ATRNL1: variants seen among roughly 807,000 people sequenced by gnomAD.
ATRNL1 encodes the protein attractin-like protein 1.
A neutral mutation model predicts 182.7 loss-of-function variants in ATRNL1; 95 were observed. The observed-to-expected ratio is 0.52, with a 90% CI of 0.44 to 0.62. The LOEUF is 0.62. Ranked by LOEUF, ATRNL1 falls within the 20% of genes least tolerant of loss-of-function variation. The pLI is 0.00. For missense variants in ATRNL1, 1,471 were observed against 1,679.5 expected (o/e 0.88, Z 2.17); for synonymous variants, 576 against 568.3 (o/e 1.01, Z -0.19).
At chr10:115,533,160 T>A (rs1851705347) in intron 25 of ATRNL1, among the ~76,000 whole-genome samples, 1 of 152,172 alleles carries the variant, frequency 6.6e-6, no homozygotes, top group South Asian at 2.1e-4. Flanking sequence ...TTGATTGGAA[T>A]AGTTTCAGAA....
chr10:115,835,202 T>G (rs933742467), intron 27 of ATRNL1, among the ~76,000 whole-genome samples: 2 of 152,124 alleles, frequency 1.3e-5, no homozygotes, highest in South Asian at 4.1e-4. Flanking sequence ...TGAGATTAAT[T>G]AATTACTCAT....
intron 27 of ATRNL1, among the ~76,000 whole-genome samples, chr10:115,802,718 T>C (rs995221465): frequency 2.0e-5 from 3 of 152,206 alleles, no homozygotes; most frequent in African/African-American, 7.2e-5. Flanking sequence ...TCTAAATAGA[T>C]ATGAAACAAA....
chr10:115,727,467 A>G (rs1473027603), intron 27 of ATRNL1, 112 bp downstream of exon 27: 2 of 792,338 alleles, frequency 2.5e-6, no homozygotes, highest in Non-Finnish European at 4.1e-6. Context: ...TCTACAGTTG[A>G]CAAGATTCAG....
intron 26 of ATRNL1, among the ~76,000 whole-genome samples, chr10:115,610,985 G>C (rs1857124306): frequency 1.3e-5 from 2 of 150,830 alleles, no homozygotes; most frequent in Admixed American, 1.3e-4. Flanking sequence ...ACATGTACAT[G>C]ATATATTACA....
At chr10:115,094,691 G>T (rs1323448731) in intron 1 of ATRNL1, among the ~76,000 whole-genome samples, 2 of 152,246 alleles carry the variant, frequency 1.3e-5, no homozygotes, top group South Asian at 4.2e-4. Context: ...GAGAGAAATC[G>T]AGGCGATACA....
rs138272908 is a variant in ATRNL1 at position 115,505,011 on chromosome 10, A to G, written c.3655-14252A>G. The stretch of plus-strand genomic sequence containing the variant: ...TTCAGCTAAATAGCCTTAAATTTGC[A>G]TATTAAAGGAGACAACTCAGGTGAA... On this transcript the variant is annotated intron_variant, in intron 24 of 28. Coordinates refer to ENST00000355044, the MANE Select transcript of ATRNL1 (RefSeq NM_207303.4). 7.5e-3 allele frequency among the ~76,000 whole-genome samples: 1,136 copies of G among 152,242 alleles called. 11 individuals carry two copies. Among genetic ancestry groups the G allele is most frequent in the East Asian group, 0.037 (191 of 5,176 alleles).
chr10:115,731,871 C>G (rs1395457839), intron 27 of ATRNL1, among the ~76,000 whole-genome samples: 3 of 146,294 alleles, frequency 2.1e-5, no homozygotes, highest in South Asian at 4.6e-4. Flanking sequence ...ACCATCTTTA[C>G]AGATTTTACT....
At chr10:115,903,084 T>C (rs1450394492) in intron 28 of ATRNL1, among the ~76,000 whole-genome samples, 4 of 152,200 alleles carry the variant, frequency 2.6e-5, no homozygotes, top group African/African-American at 9.7e-5. Context: ...ATTTTAAATG[T>C]ACATAATCTG....
intron 25 of ATRNL1, among the ~76,000 whole-genome samples, chr10:115,541,067 C>T (rs1852332747): frequency 6.6e-6 from 1 of 152,230 alleles, no homozygotes; most frequent in South Asian, 2.1e-4. Context: ...CAAAATTAGA[C>T]TACAAAAAAA....
chr10:115,284,423 T>C (rs1162989262), intron 14 of ATRNL1, among the ~76,000 whole-genome samples: 7 of 152,202 alleles, frequency 4.6e-5, no homozygotes, highest in African/African-American at 1.7e-4. Flanking sequence ...TTTGGTATTT[T>C]GGATTTAAAA....
At chr10:115,311,583 T>C (rs1215156634) in intron 17 of ATRNL1, among the ~76,000 whole-genome samples, 1 of 152,022 alleles carries the variant, frequency 6.6e-6, no homozygotes, top group African/African-American at 2.4e-5. Context: ...AGAATGCATA[T>C]TCTGCAGTTC....
intron 27 of ATRNL1, among the ~76,000 whole-genome samples, chr10:115,823,675 CA>C (rs1169765983): frequency 8.5e-5 from 13 of 152,116 alleles, no homozygotes; most frequent in Admixed American, 8.5e-4. Context: ...TTCCCATTCA[CA>C]ATTGCTACAA....
At chr10:115,382,500 A>G (rs1858075088) in intron 19 of ATRNL1, among the ~76,000 whole-genome samples, 1 of 151,878 alleles carries the variant, frequency 6.6e-6, no homozygotes, top group African/African-American at 2.4e-5. Flanking sequence ...TAGTGTATAG[A>G]AGCACAATAG....
intron 1 of ATRNL1, 135 bp from the exon 2 acceptor site, chr10:115,120,050 G>A: frequency 1.7e-6 from 1 of 572,812 alleles, no homozygotes. Flanking sequence ...TTCCTAAGTT[G>A]TAAATAAATC....
At chr10:115,860,422 G>A (rs1037576260) in intron 28 of ATRNL1, among the ~76,000 whole-genome samples, 22 of 144,824 alleles carry the variant, frequency 1.5e-4, no homozygotes, top group African/African-American at 5.1e-4. Flanking sequence ...TAACTCTGAA[G>A]GCAGAGCTGT....
intron 4 of ATRNL1, 89 bp downstream of exon 4, chr10:115,127,810 G>C: frequency 1.1e-6 from 1 of 905,154 alleles, no homozygotes; most frequent in East Asian, 3.3e-5. Context: ...TTAATGTCTT[G>C]TATACCAGAA....
At chr10:115,108,904 T>C (rs1554866974) in intron 1 of ATRNL1, among the ~76,000 whole-genome samples, 1 of 152,230 alleles carries the variant, frequency 6.6e-6, no homozygotes. Flanking sequence ...CACTCAGATA[T>C]GGGCACAATT....
chr10:115,707,589 G>A (rs1308552042), intron 26 of ATRNL1, among the ~76,000 whole-genome samples: 1 of 151,356 alleles, frequency 6.6e-6, no homozygotes, highest in Non-Finnish European at 1.5e-5. Flanking sequence ...ATATATGTAT[G>A]TGCATTTACC....
Position 115,541,053 on chromosome 10 carries a change from A to G in ATRNL1, c.3717-8405A>G, listed in dbSNP as rs963428531. On this transcript the variant is annotated intron_variant, in intron 25 of 28. Coordinates refer to ENST00000355044, the MANE Select transcript of ATRNL1 (RefSeq NM_207303.4). The stretch of plus-strand genomic sequence containing the variant: ...TCTTAAAGAGGACACATAAAATACT[A>G]TAACAAAATTAGACTACAAAAAAAC... Among the ~76,000 whole-genome samples the G allele has an allele frequency of 1.1e-4, 17 of 152,324 alleles. No homozygotes were observed. The Middle Eastern group carries it at 0.01, about 91-fold the overall frequency.
Sources: allele counts gnomAD v4.1 joint callset (sites outside exome capture counted in the v4.1 genomes callset), GRCh38; gene constraint gnomAD v4.1.1; transcripts MANE v1.5; gene names NCBI Gene and HGNC (gene_info 2026-07-23, HGNC 2026-07-21).